CERS3: variants seen among roughly 807,000 people sequenced by gnomAD.
The protein encoded by CERS3 is ceramide synthase 3.
A neutral mutation model predicts 50.3 loss-of-function variants in CERS3; 33 were observed. The observed-to-expected ratio is 0.66, with a 90% CI of 0.50 to 0.88. The LOEUF is 0.88. Ranked by LOEUF, CERS3 falls within the 40% of genes least tolerant of loss-of-function variation. The probability of loss-of-function intolerance (pLI) is 0.00; values close to 1 mark genes in which losing one functional copy is unlikely to be tolerated. For synonymous variants in CERS3, 176 were observed against 155.2 expected (o/e 1.13, Z -0.99); for missense variants, 470 against 460.3 (o/e 1.02, Z -0.19).
intron 11 of CERS3, among the ~76,000 whole-genome samples, chr15:100,413,282 G>A (rs1455414280): frequency 6.6e-6 from 1 of 152,058 alleles, no homozygotes; most frequent in East Asian, 1.9e-4. Flanking sequence ...AATTCTCTGG[G>A]ATTTTAAGTA....
upstream of CERS3, among the ~76,000 whole-genome samples, chr15:100,531,566 T>C (rs1747308284): frequency 6.6e-6 from 1 of 152,144 alleles, no homozygotes; most frequent in Non-Finnish European, 1.5e-5. Flanking sequence ...ACAAAGCAAA[T>C]ATGGTTATCT....
chr15:100,461,628 C>T (rs1024739294), intron 10 of CERS3, among the ~76,000 whole-genome samples: 2 of 152,148 alleles, frequency 1.3e-5, no homozygotes, highest in African/African-American at 4.8e-5. Flanking sequence ...TACTACTTTC[C>T]CACAACTAGC....
At chr15:100,527,376 G>A (rs1291313952) in intron 1 of CERS3, among the ~76,000 whole-genome samples, 2 of 152,194 alleles carry the variant, frequency 1.3e-5, no homozygotes, top group Non-Finnish European at 2.9e-5. Flanking sequence ...ATTTTGATCT[G>A]TCTTTCTAGT....
rs777956812 is a variant in CERS3 at position 100,479,415 on chromosome 15, A to G, written c.516+13T>C. 2.5e-6 allele frequency: 4 copies of G among 1,591,308 alleles called. No homozygotes were observed. Among genetic ancestry groups the G allele is most frequent in the South Asian group, 1.1e-5 (1 of 88,384 alleles). On this transcript the variant is annotated intron_variant, in intron 7 of 11. Coordinates refer to ENST00000679737, the MANE Select transcript of CERS3 (RefSeq NM_001378789.1). ...GTTCAAGTAAGGGGAGGAATATGTTATAGTGGACTTACCTGTTTGGGATAG... is the reference window on the plus strand; with the variant it reads ...GTTCAAGTAAGGGGAGGAATATGTTGTAGTGGACTTACCTGTTTGGGATAG...
intron 11 of CERS3, among the ~76,000 whole-genome samples, chr15:100,403,696 G>A (rs146605592): frequency 4.6e-5 from 7 of 152,146 alleles, no homozygotes; most frequent in Admixed American, 3.3e-4. Context: ...TGCCCCAGCC[G>A]AAACAGGTAA....
intron 11 of CERS3, among the ~76,000 whole-genome samples, chr15:100,452,516 G>A (rs557835102): frequency 1.3e-5 from 2 of 152,074 alleles, no homozygotes; most frequent in East Asian, 3.9e-4. Context: ...AGTGCTAAGA[G>A]GGAAGTTTAT....
rs745374188 is a variant in CERS3, at chr15:100,490,774, G to A, written c.288+43C>T. ...AAGCTATAGATAATTGAACCATTAA[G>A]AAAGAAGATTTTTAAGTCGAAAAGC... On this transcript the variant is annotated intron_variant, in intron 4 of 11. Transcript: ENST00000679737. 8 of 1,225,816 alleles carry A rather than the reference G, an allele frequency of 6.5e-6. No homozygotes were observed. In the African/African-American group the frequency reaches 1.0e-4, roughly 16 times the overall value. The allele number at this position is 1,225,816 out of a possible 1,614,324, so 75.9% of individuals were successfully genotyped here.
intron 11 of CERS3, among the ~76,000 whole-genome samples, chr15:100,423,306 G>A (rs1339727759): frequency 6.6e-6 from 1 of 152,120 alleles, no homozygotes; most frequent in Non-Finnish European, 1.5e-5. Flanking sequence ...CTACCAAAAA[G>A]ACATATGCAC....
intron 11 of CERS3, among the ~76,000 whole-genome samples, chr15:100,430,299 G>A (rs1025588392): frequency 1.1e-4 from 17 of 150,598 alleles, no homozygotes; most frequent in Non-Finnish European, 2.2e-4. Flanking sequence ...ACGACAGAGC[G>A]AGACTCCGTC....
chr15:100,429,277 G>A (rs543949307), intron 11 of CERS3, among the ~76,000 whole-genome samples: 4 of 152,306 alleles, frequency 2.6e-5, no homozygotes, highest in African/African-American at 9.6e-5. Context: ...ATGGCTGGAA[G>A]GAGCCCAGCT....
rs1034606370 is a variant in CERS3 at position 100,401,932 on chromosome 15, A to G, written c.*781T>C. 6.6e-6 allele frequency: 1 copy of G among 152,278 alleles called. No homozygotes were observed. The highest frequency in any genetic ancestry group is 2.4e-5 in the African/African-American group (1 of 41,470). The allele number at this position is 152,278 out of a possible 1,614,324, so 9.4% of individuals were successfully genotyped here. A position where few individuals can be genotyped will look rare whatever the true frequency, so the allele number is the denominator to read the frequency against. ...TCTGAGAATGACCCTTGGGGAGCTA[A>G]TGCATAAATAGTTAGCAAATAAAAT... On this transcript the variant is annotated 3_prime_UTR_variant, in exon 12 of 12. Coordinates refer to ENST00000679737, the MANE Select transcript of CERS3 (RefSeq NM_001378789.1).
At chr15:100,404,162 G>T (rs962808439) in intron 11 of CERS3, among the ~76,000 whole-genome samples, 2 of 152,130 alleles carry the variant, frequency 1.3e-5, no homozygotes, top group African/African-American at 4.8e-5. Context: ...CTTCTGAAAA[G>T]AACACGACCC....
chr15:100,465,631 C>T (rs966283204), intron 10 of CERS3, among the ~76,000 whole-genome samples: 6 of 151,772 alleles, frequency 4.0e-5, no homozygotes, highest in African/African-American at 1.4e-4. Flanking sequence ...ATATTTTTAC[C>T]AGGAAAAGTT....
chr15:100,458,058 C>A (rs569024379), intron 10 of CERS3, among the ~76,000 whole-genome samples: 89 of 152,234 alleles, frequency 5.8e-4, no homozygotes, highest in South Asian at 5.6e-3. Flanking sequence ...TTAAAAGGTA[C>A]TAAAATGTTG....
intron 11 of CERS3, among the ~76,000 whole-genome samples, chr15:100,427,311 G>C (rs1175853222): frequency 6.6e-6 from 1 of 152,142 alleles, no homozygotes; most frequent in Non-Finnish European, 1.5e-5. Flanking sequence ...AATTTTAAAA[G>C]TATCTCATCT....
chr15:100,529,785 A>G (rs1357834461), upstream of CERS3, among the ~76,000 whole-genome samples: 2 of 152,214 alleles, frequency 1.3e-5, no homozygotes, highest in Non-Finnish European at 2.9e-5. Flanking sequence ...TCTCTCACAA[A>G]CCAAACATCA....
chr15:100,482,445 A>AGGGG (rs2035336568), intron 5 of CERS3, among the ~76,000 whole-genome samples: 2 of 152,004 alleles, frequency 1.3e-5, no homozygotes, highest in Non-Finnish European at 2.9e-5. Context: ...GGATCAGATG[A>AGGGG]GGGTAAGGCC....
intron 11 of CERS3, 72 bp from the exon 12 acceptor site, chr15:100,402,937 C>G: frequency 6.8e-7 from 1 of 1,461,814 alleles, no homozygotes; most frequent in Non-Finnish European, 9.2e-7. Context: ...TGCCAACAGC[C>G]AGTTTCAAGT....
At chr15:100,531,258 C>T (rs1003470331), upstream of CERS3, among the ~76,000 whole-genome samples, 7 of 152,212 alleles carry the variant, frequency 4.6e-5, no homozygotes, top group Non-Finnish European at 8.8e-5. Context: ...ATCAAAAGAA[C>T]CCCGTCAGCA....
Sources: gnomAD v4.1 joint callset for allele counts (sites outside exome capture counted in the v4.1 genomes callset) on GRCh38, gnomAD v4.1.1 for gene constraint, MANE v1.5 for transcripts, NCBI Gene and HGNC (gene_info 2026-07-23, HGNC 2026-07-21) for gene names.